Variants in SFMBT1 observed in about 807,000 individuals in gnomAD.
SFMBT1 encodes the protein scm-like with four MBT domains protein 1.
Under a neutral mutation model 108.7 loss-of-function variants are expected in SFMBT1, and 32 were observed. That is an observed-to-expected ratio of 0.29 (90% CI 0.22 to 0.40). The LOEUF (loss-of-function observed/expected upper bound fraction) is 0.40. Ranked by LOEUF, SFMBT1 falls within the 10% of genes least tolerant of loss-of-function variation. SFMBT1 has a pLI of 1.00. For missense variants in SFMBT1, 816 were observed against 1,059.6 expected (o/e 0.77, Z 3.19); for synonymous variants, 348 against 369.5 (o/e 0.94, Z 0.67).
chr3:52,980,270 T>C (rs892171268), intron 1 of SFMBT1, among the ~76,000 whole-genome samples: 1 of 152,206 alleles, frequency 6.6e-6, no homozygotes, highest in South Asian at 2.1e-4. Flanking sequence ...ATTTGCAATA[T>C]GAAATCATTT....
Position 52,996,509 on chromosome 3 carries a change from G to A in SFMBT1, c.-130-27251C>T, listed in dbSNP as rs915778938. Among the ~76,000 whole-genome samples the A allele has an allele frequency of 7.4e-5, 11 of 149,486 alleles. 1 individual carries two copies. Among genetic ancestry groups the A allele is most frequent in the Admixed American group, 4.7e-4 (7 of 14,826 alleles). On this transcript the variant is annotated intron_variant, in intron 1 of 20. Transcript: ENST00000394752. ...ATTATAGGCATGAGGCACCACACCC[G>A]GACAATAATCCAATTTTTCAATCAA...
intron 2 of SFMBT1, among the ~76,000 whole-genome samples, chr3:52,959,295 A>C (rs752215206): frequency 6.6e-6 from 1 of 152,196 alleles, no homozygotes; most frequent in East Asian, 1.9e-4. Context: ...AACAAAAAAC[A>C]TATTTCAAAT....
chr3:52,916,343 T>G, intron 13 of SFMBT1, 129 bp from the exon 14 acceptor site: 1 of 579,970 alleles, frequency 1.7e-6, no homozygotes, highest in Non-Finnish European at 3.0e-6. Context: ...CAGAAGGTAC[T>G]CCCTTGATGA....
At chr3:53,007,336 A>G (rs1056045549) in intron 1 of SFMBT1, among the ~76,000 whole-genome samples, 1 of 152,256 alleles carries the variant, frequency 6.6e-6, no homozygotes, top group Non-Finnish European at 1.5e-5. Flanking sequence ...CCGTTGTATC[A>G]AAAAGTCACT....
chr3:52,986,488 C>T (rs530635711), intron 1 of SFMBT1, among the ~76,000 whole-genome samples: 19 of 151,688 alleles, frequency 1.3e-4, no homozygotes, highest in South Asian at 8.3e-4. Context: ...TTTTTTTGGT[C>T]GGGCGCCATG....
At position 53,030,672 on chromosome 3, in the gene SFMBT1, T is replaced by A. The variant is rs565173814; in HGVS notation, c.-131+15144A>T. Among the ~76,000 whole-genome samples the A allele has an allele frequency of 4.9e-5, 5 of 102,406 alleles. No homozygotes were observed. The Admixed American group carries it at 6.7e-4, about 14-fold the overall frequency. 67.2% of individuals were successfully genotyped at this position (102,406 alleles called of 152,430 possible). On this transcript the variant is annotated intron_variant, in intron 1 of 20. Transcript: ENST00000394752. ...CTTTAAAATTACAGTAACTTTCAAC[T>A]GGCCATAATGCAAAAAAAAAAAAAA...
intron 1 of SFMBT1, among the ~76,000 whole-genome samples, chr3:53,033,020 T>TA (rs1338639384): frequency 6.6e-6 from 1 of 152,134 alleles, no homozygotes; most frequent in Non-Finnish European, 1.5e-5. Context: ...TTTTGAAGTA[T>TA]TTATGGGCCA....
intron 2 of SFMBT1, among the ~76,000 whole-genome samples, chr3:52,958,486 G>A (rs888511852): frequency 6.6e-6 from 1 of 152,176 alleles, no homozygotes; most frequent in South Asian, 2.1e-4. Context: ...ATCTACTCAG[G>A]AGGCTGAGGC....
At chr3:53,021,607 A>G (rs535764972) in intron 1 of SFMBT1, among the ~76,000 whole-genome samples, 2 of 152,300 alleles carry the variant, frequency 1.3e-5, no homozygotes, top group South Asian at 4.1e-4. Flanking sequence ...CAGTGTCTCC[A>G]TAAGTCTTAT....
chr3:53,033,407 C>T (rs1474826933), intron 1 of SFMBT1, among the ~76,000 whole-genome samples: 1 of 152,036 alleles, frequency 6.6e-6, no homozygotes, highest in Non-Finnish European at 1.5e-5. Flanking sequence ...GTGATCCACC[C>T]GCCTCGGCCT....
intron 1 of SFMBT1, among the ~76,000 whole-genome samples, chr3:53,040,497 A>G (rs1036617702): frequency 7.2e-5 from 11 of 152,126 alleles, no homozygotes; most frequent in Admixed American, 2.0e-4. Context: ...ACAGAACCCA[A>G]GTTTCCCAGA....
chr3:52,982,729 C>CAAGAAAAAA (rs1704756615), intron 1 of SFMBT1, among the ~76,000 whole-genome samples: 1 of 69,124 alleles, frequency 1.4e-5, no homozygotes, highest in Non-Finnish European at 2.6e-5. Context: ...ACTCCCATCT[C>CAAGAAAAAA]AAAAAAAAAA....
At chr3:52,941,974 G>A (rs554842874) in intron 4 of SFMBT1, among the ~76,000 whole-genome samples, 2 of 152,272 alleles carry the variant, frequency 1.3e-5, no homozygotes, top group South Asian at 4.1e-4. Context: ...GCCCAGGCAT[G>A]ATGCATGATG....
chr3:52,914,560 TACAAAAAACAAAA>T (rs1702297776), intron 14 of SFMBT1, among the ~76,000 whole-genome samples: 3 of 151,592 alleles, frequency 2.0e-5, no homozygotes, highest in African/African-American at 4.9e-5. Context: ...GCCCCATCTC[TACAAAAAACAAAA>T]ACAAAAACAA....
intron 1 of SFMBT1, among the ~76,000 whole-genome samples, chr3:52,983,665 C>T (rs76458302): frequency 0.026 from 4,021 of 152,078 alleles, 174 homozygotes; most frequent in African/African-American, 0.089. Flanking sequence ...TGGGTACGTG[C>T]GGAAGAATAT....
intron 1 of SFMBT1, among the ~76,000 whole-genome samples, chr3:53,026,772 C>T (rs758129044): frequency 2.0e-5 from 3 of 152,092 alleles, no homozygotes; most frequent in Non-Finnish European, 4.4e-5. Flanking sequence ...AAGGAGGCAG[C>T]GCTAAAGATA....
At chr3:52,916,831 GC>G (rs1271397412) in intron 13 of SFMBT1, among the ~76,000 whole-genome samples, 2 of 151,994 alleles carry the variant, frequency 1.3e-5, no homozygotes, top group Non-Finnish European at 2.9e-5. Context: ...CATTCACTGG[GC>G]AAAAAAATTA....
At chr3:52,935,645 T>G (rs548859253) in intron 4 of SFMBT1, among the ~76,000 whole-genome samples, 30 of 152,086 alleles carry the variant, frequency 2.0e-4, no homozygotes, top group Non-Finnish European at 3.5e-4. Context: ...AAAACCACAA[T>G]AACAACATCA....
chr3:53,017,465 A>G (rs1286366138), intron 1 of SFMBT1, among the ~76,000 whole-genome samples: 2 of 152,192 alleles, frequency 1.3e-5, no homozygotes, highest in Non-Finnish European at 2.9e-5. Context: ...AGTGAGCAAA[A>G]CAAAATCCCT....
Sources: gnomAD v4.1 joint callset for allele counts (sites outside exome capture counted in the v4.1 genomes callset) on GRCh38, gnomAD v4.1.1 for gene constraint, MANE v1.5 for transcripts, NCBI Gene and HGNC (gene_info 2026-07-23, HGNC 2026-07-21) for gene names.